The following ALAD variants were observed in gnomAD, a reference collection of about 807,000 sequenced individuals.
ALAD encodes the protein delta-aminolevulinic acid dehydratase.
ALAD carries 20 observed loss-of-function variants against 44.4 expected under a neutral mutation model. The ratio of observed to expected loss-of-function variants is 0.45; its 90% confidence interval spans 0.32 to 0.65. ALAD has a LOEUF of 0.65. Ranked by LOEUF, ALAD falls within the 30% of genes least tolerant of loss-of-function variation. The pLI is 0.05. For synonymous variants in ALAD, 156 were observed against 167.9 expected (o/e 0.93, Z 0.55); for missense variants, 323 against 445.7 (o/e 0.72, Z 2.48).
chr9:113,400,628 G>A (rs536412635), intron 1 of ALAD, among the ~76,000 whole-genome samples: 1 of 152,058 alleles, frequency 6.6e-6, no homozygotes, highest in Non-Finnish European at 1.5e-5. Context: ...TTCGAGACTA[G>A]CCTGACCAAC....
chr9:113,390,531 C>G, intron 6 of ALAD, 38 bp from the exon 7 acceptor site: 1 of 1,613,276 alleles, frequency 6.2e-7, no homozygotes, highest in Non-Finnish European at 8.5e-7. Flanking sequence ...CTCTGGGGCC[C>G]TCCTAGCCAC....
intron 1 of ALAD, among the ~76,000 whole-genome samples, chr9:113,397,865 T>A (rs2761026): frequency 0.035 from 5,384 of 152,178 alleles, 147 homozygotes; most frequent in South Asian, 0.13. Context: ...CTTCAAGTGA[T>A]CCGCCCGCCT....
chr9:113,398,785 G>A (rs1021367341), intron 1 of ALAD, among the ~76,000 whole-genome samples: 1 of 152,172 alleles, frequency 6.6e-6, no homozygotes, highest in Non-Finnish European at 1.5e-5. Flanking sequence ...CTACACCATA[G>A]AGTCATTCCA....
intron 1 of ALAD, among the ~76,000 whole-genome samples, chr9:113,400,092 A>G (rs1467710434): frequency 1.3e-5 from 2 of 152,240 alleles, no homozygotes; most frequent in African/African-American, 2.4e-5. Flanking sequence ...ATTTAGACGT[A>G]GGAGAAGCTG....
chr9:113,394,778 A>G (rs1479873839), intron 1 of ALAD, among the ~76,000 whole-genome samples: 1 of 152,154 alleles, frequency 6.6e-6, no homozygotes, highest in Non-Finnish European at 1.5e-5. Flanking sequence ...TTGGCCGGGC[A>G]TGGCGGCTCA....
rs924104717 is a variant in ALAD at position 113,391,444 on chromosome 9, T to G, written c.261+83A>C. On this transcript the variant is annotated intron_variant, in intron 4 of 11. Coordinates refer to ENST00000409155, the MANE Select transcript of ALAD (RefSeq NM_000031.6). ...GTCTCAAAATCCTGGGCTCAAGTGATCCACCCACTTTGGCCTCCCAAAGTG... is the reference window on the plus strand; with the variant it reads ...GTCTCAAAATCCTGGGCTCAAGTGAGCCACCCACTTTGGCCTCCCAAAGTG... 20 of 1,193,506 alleles carry G rather than the reference T, an allele frequency of 1.7e-5. No homozygotes were observed. The African/African-American group carries it at 2.8e-4, about 17-fold the overall frequency. 73.9% of individuals were successfully genotyped at this position (1,193,506 alleles called of 1,614,324 possible). A position where few individuals can be genotyped will look rare whatever the true frequency, so the allele number is the denominator to read the frequency against.
At chr9:113,394,562 T>C (rs1003257826) in intron 1 of ALAD, among the ~76,000 whole-genome samples, 4 of 151,304 alleles carry the variant, frequency 2.6e-5, no homozygotes, top group African/African-American at 9.7e-5. Context: ...TTTATTGCAT[T>C]GCATTTTATC....
intron 7 of ALAD, 119 bp from the exon 8 acceptor site, chr9:113,389,947 T>TG: frequency 7.9e-7 from 1 of 1,258,636 alleles, no homozygotes; most frequent in South Asian, 1.3e-5. Flanking sequence ...CTGGTCCTGT[T>TG]GGAGTGCTGG....
At chr9:113,389,316 C>G in intron 10 of ALAD, 122 bp downstream of exon 10, 1 of 1,344,804 alleles carries the variant, frequency 7.4e-7, no homozygotes, top group Non-Finnish European at 1.0e-6. Flanking sequence ...GGTTCCTGGG[C>G]AGGGAAGGGG....
At chr9:113,394,092 C>T (rs1827666924) in intron 1 of ALAD, among the ~76,000 whole-genome samples, 1 of 151,798 alleles carries the variant, frequency 6.6e-6, no homozygotes, top group South Asian at 2.1e-4. Flanking sequence ...GTGTGCACCA[C>T]AACATCCAGC....
Position 113,389,653 on chromosome 9 carries a change from G to A in ALAD, c.660C>T (p.Asp220=). ...CAGGGGGCAGCTGGTAGCAGCGGCG[G>A]TCCCCAAAAGCTGGGCTTGACTTAG... is the stretch of plus-strand genomic sequence containing the variant. ...DAAKSSPAFG[D]RRCYQLPPGA... Residue 220 remains aspartate (D), a synonymous_variant, in exon 9 of 12, where the codon GAC becomes GAT. Coordinates refer to ENST00000409155, the MANE Select transcript of ALAD (RefSeq NM_000031.6). 6.2e-7 allele frequency: 1 copy of A among 1,614,180 alleles called. No individual in the cohort carries two copies.
rs1467168945 is a variant in ALAD at position 113,387,142 on chromosome 9, CCA to C, written c.*1156_*1157del. The C allele has an allele frequency of 1.3e-5, 2 of 152,272 alleles. No homozygotes were observed. The highest frequency in any genetic ancestry group is 2.4e-5 in the African/African-American group (1 of 41,460). 9.4% of individuals were successfully genotyped at this position (152,272 alleles called of 1,614,324 possible). The stretch of plus-strand genomic sequence containing the variant: ...TCTGTCTCTCTCCACTCAGTTCAGG[CCA>C]TCCTCTCAGTGCTCCAGACAAGCTA... On this transcript the variant is annotated 3_prime_UTR_variant, in exon 12 of 12. Transcript: ENST00000409155.
intron 3 of ALAD, among the ~76,000 whole-genome samples, 164 bp downstream of exon 3, chr9:113,391,955 C>T (rs1289492003): frequency 6.6e-6 from 1 of 152,174 alleles, no homozygotes; most frequent in Admixed American, 6.5e-5. Context: ...CTGCCCCTTC[C>T]ACTGTGGAAC....
intron 11 of ALAD, 42 bp downstream of exon 11, chr9:113,388,935 C>T (rs745382421): frequency 2.5e-6 from 4 of 1,613,424 alleles, no homozygotes; most frequent in Non-Finnish European, 2.5e-6. Context: ...GCTTATCAGT[C>T]CCTGTGGCGC....
rs754592118 is a variant in ALAD, at chr9:113,389,094, G to C, written c.814C>G (p.Pro272Ala). The C allele has an allele frequency of 6.2e-7, 1 of 1,614,020 alleles. No individual in the cohort carries two copies. The highest frequency in any genetic ancestry group is 2.2e-5 in the East Asian group (1 of 44,878). ...CCAGAGACGTGGTACACGGCGAGAG[G>C]GAGGTCAGGGTGCTGCAGGGAAGCA... The part of the protein sequence containing the change: ...REVKDKHPDL[P>A]LAVYHVSGEF... Residue 272 changes from proline (P) to alanine (A), a missense_variant, in exon 11 of 12, where the codon CCT (proline) becomes GCT (alanine). Pro to Ala is a conservative substitution (Grantham distance 27). Transcript: ENST00000409155.
intron 3 of ALAD, 126 bp downstream of exon 3, chr9:113,391,993 T>C (rs1408687991): frequency 1.0e-6 from 1 of 995,180 alleles, no homozygotes; most frequent in African/African-American, 1.6e-5. Context: ...AACCCTTTCC[T>C]CTACTGAGCT....
chr9:113,390,615 C>T lies in ALAD; in HGVS notation c.459G>A (p.Val153=), dbSNP rs766413112. The T allele has an allele frequency of 5.5e-5, 89 of 1,613,968 alleles. 1 individual carries two copies. The highest frequency in any genetic ancestry group is 6.5e-5 in the Non-Finnish European group (77 of 1,180,026). The change falls in exon 6 of 12, where the codon GTG becomes GTA. Residue 153 remains valine, a synonymous_variant. Coordinates refer to ENST00000409155, the MANE Select transcript of ALAD (RefSeq NM_000031.6). ...CACCTGCCTTGGCATACGCCAATGC[C>T]ACCTCAGCCAGCCGCTGGCGGCTCT... ...AEESRQRLAE[V]ALAYAKAGCQ... is the part of the protein sequence containing the mutation.
rs1827512973 is a variant in ALAD at position 113,389,602 on chromosome 9, AG to A, written c.710del (p.Ala237ValfsTer15). The A allele has an allele frequency of 6.2e-7, 1 of 1,614,156 alleles. No homozygotes were observed. Among genetic ancestry groups the A allele is most frequent in the Non-Finnish European group, 8.5e-7 (1 of 1,180,034 alleles). On this transcript the variant is annotated frameshift_variant, in exon 9 of 12. Transcript: ENST00000409155. LOFTEE classifies it high-confidence loss of function. ...GGCTCAAGTCCTAGTCACTCACCAC[AG>A]CTCGGAGAGCCAGGCCTCGTGCTCC... ...PPGARGLALR[A>X]VDRDVREGAD...
In ALAD at chr9:113,388,320, G is replaced by A. The variant is rs1827463874; in HGVS notation, c.973C>T (p.Gln325Ter). 6.2e-7 allele frequency: 1 copy of A among 1,614,056 alleles called. No homozygotes were observed. Among genetic ancestry groups the A allele is most frequent in the Non-Finnish European group, 8.5e-7 (1 of 1,180,050 alleles). ...IITYYTPQLL[Q>*]WLKEE ...CTCCATCATTCCTCCTTCAGCCACTGCAGCAGCTGCGGTGTGTAGTAGGTG... is the reference window on the plus strand; with the variant it reads ...CTCCATCATTCCTCCTTCAGCCACTACAGCAGCTGCGGTGTGTAGTAGGTG... The change falls in exon 12 of 12, where the codon CAG becomes TAG. Residue 325 changes from glutamine to a stop codon, truncating the protein, a stop_gained. Coordinates refer to ENST00000409155, the MANE Select transcript of ALAD (RefSeq NM_000031.6). LOFTEE classifies it high-confidence loss of function.
Sources: gnomAD v4.1 joint callset for allele counts (sites outside exome capture counted in the v4.1 genomes callset) on GRCh38, gnomAD v4.1.1 for gene constraint, MANE v1.5 for transcripts, NCBI Gene and HGNC (gene_info 2026-07-23, HGNC 2026-07-21) for gene names.